ATXN2L: variants seen among roughly 807,000 people sequenced by gnomAD.
ATXN2L encodes the protein ataxin-2-like protein.
Under a neutral mutation model 120.7 loss-of-function variants are expected in ATXN2L, and 24 were observed. The ratio of observed to expected loss-of-function variants is 0.20; its 90% CI spans 0.14 to 0.28. ATXN2L has a LOEUF of 0.28. Among genes scored for constraint, ATXN2L ranks in the 10% least tolerant of loss-of-function variants. The probability of loss-of-function intolerance (pLI) is 1.00; values close to 1 mark genes in which losing one functional copy is unlikely to be tolerated. For missense variants in ATXN2L, 1,312 were observed against 1,432.3 expected (o/e 0.92, Z 1.36); for synonymous variants, 653 against 568.1 (o/e 1.15, Z -2.13).
At chr16:28,831,652 C>T (rs545744169) in intron 10 of ATXN2L, among the ~76,000 whole-genome samples, 7 of 152,160 alleles carry the variant, frequency 4.6e-5, no homozygotes, top group East Asian at 3.9e-4. Flanking sequence ...TAAAACAGGC[C>T]GAGGTAGGCA....
chr16:28,824,452 G>C, intron 1 of ATXN2L: 1 of 1,287,206 alleles, frequency 7.8e-7, no homozygotes, highest in Non-Finnish European at 1.0e-6. Context: ...CTGTCCCCCA[G>C]CCCCGCCAGC....
At chr16:28,833,823 G>T in intron 15 of ATXN2L, 1 of 628,762 alleles carries the variant, frequency 1.6e-6, no homozygotes, top group Non-Finnish European at 2.7e-6. Flanking sequence ...GAGGCCAGCT[G>T]ACTTGGCTTG....
intron 1 of ATXN2L, chr16:28,824,410 A>T (rs1364076065): frequency 1.6e-6 from 2 of 1,279,218 alleles, no homozygotes; most frequent in African/African-American, 1.5e-5. Flanking sequence ...AGACCGGGCG[A>T]GGCCTCCCGG....
chr16:28,837,028 A>C lies in ATXN2L; in HGVS notation c.*763A>C, dbSNP rs774089469. ...GTCTTGCCCTCCCATCCTCTCATCT[A>C]TTCCCCCGCTGGAGACGGAAGATCT... is the stretch of plus-strand genomic sequence containing the variant. On this transcript the variant is annotated 3_prime_UTR_variant, in exon 22 of 22. Transcript: ENST00000336783. 2.9e-5 allele frequency: 19 copies of C among 665,790 alleles called. No individual in the cohort carries two copies. The highest frequency in any genetic ancestry group is 4.4e-5 in the Non-Finnish European group (16 of 363,200). The allele number at this position is 665,790 out of a possible 1,614,324, so 41.2% of individuals were successfully genotyped here.
In ATXN2L at chr16:28,836,732, A is replaced by G. The variant is rs1186788561; in HGVS notation, c.*467A>G. ...TTCTCTTTCCCCTCCAACCAGTTCAATCTCATCCCTCCCAGCAGCTCCCCT... is the reference window on the plus strand; with the variant it reads ...TTCTCTTTCCCCTCCAACCAGTTCAGTCTCATCCCTCCCAGCAGCTCCCCT... On this transcript the variant is annotated 3_prime_UTR_variant, in exon 22 of 22. Transcript: ENST00000336783. The G allele has an allele frequency of 3.1e-6, 5 of 1,613,542 alleles. No individual in the cohort carries two copies. Among genetic ancestry groups the G allele is most frequent in the African/African-American group, 2.7e-5 (2 of 74,742 alleles).
rs775876942 is a variant in ATXN2L, at chr16:28,832,193, C to G, written c.1322-12C>G. On this transcript the variant is annotated splice_polypyrimidine_tract_variant and intron_variant, in intron 10 of 21. Transcript: ENST00000336783. ...AGCAGTAACCATCCTACAGCTCCCC[C>G]TTTTCTTCCAGTGGGCCGGATGTAT... The G allele has an allele frequency of 2.3e-5, 37 of 1,613,900 alleles. No individual in the cohort carries two copies. The highest frequency in any genetic ancestry group is 2.5e-5 in the Non-Finnish European group (30 of 1,179,938).
At position 28,834,681 on chromosome 16, in the gene ATXN2L, C is replaced by G. The variant is rs1959307873; in HGVS notation, c.2421C>G (p.His807Gln). ...CAGCCATGATGCAGCCCATGGCCCA[C>G]TACCCCTCACAGGTGACTGCGGCCC... Reference protein sequence around the residue: ...GQPAMMQPMAHYPSQPVFAPM... With the variant: ...GQPAMMQPMAQYPSQPVFAPM... Residue 807 changes from histidine (H) to glutamine (Q), a missense_variant, in exon 18 of 22, where the codon CAC (histidine) becomes CAG (glutamine). Coordinates refer to ENST00000336783, the MANE Select transcript of ATXN2L (RefSeq NM_007245.4). 6.2e-7 allele frequency: 1 copy of G among 1,612,064 alleles called. No homozygotes were observed. Among genetic ancestry groups the G allele is most frequent in the Non-Finnish European group, 8.5e-7 (1 of 1,178,776 alleles).
rs752711665 is a variant in ATXN2L, at chr16:28,833,205, C to T, written c.1806C>T (p.Ser602=). 47 of 1,614,042 alleles carry T rather than the reference C, an allele frequency of 2.9e-5. No homozygotes were observed. Among genetic ancestry groups the T allele is most frequent in the African/African-American group, 5.3e-5 (4 of 74,904 alleles). Reference sequence around the variant, plus strand: ...CTCCCGTCTCCTCCAAGACAGAGTCCGTATCGGATAAGGAGGACAAACCAC... The same window carrying T: ...CTCCCGTCTCCTCCAAGACAGAGTCTGTATCGGATAAGGAGGACAAACCAC... The part of the protein sequence containing the change: ...MGSPVSSKTE[S]VSDKEDKPPL... Residue 602 remains serine (S), a synonymous_variant, in exon 14 of 22, where the codon TCC becomes TCT. Coordinates refer to ENST00000336783, the MANE Select transcript of ATXN2L (RefSeq NM_007245.4).
Position 28,826,309 on chromosome 16 carries a change from A to G in ATXN2L, c.535A>G (p.Ile179Val). 6.2e-7 allele frequency: 1 copy of G among 1,614,206 alleles called. No homozygotes were observed. The highest frequency in any genetic ancestry group is 8.5e-7 in the Non-Finnish European group (1 of 1,180,020). The part of the protein sequence containing the change: ...EPAGGPRRED[I>V]VDTMVFKPSD... Reference sequence around the variant, plus strand: ...AGCAGGTGGCCCTCGTCGGGAGGACATTGTGGACACCATGGTGTTTAAGCC... The same window carrying G: ...AGCAGGTGGCCCTCGTCGGGAGGACGTTGTGGACACCATGGTGTTTAAGCC... The change falls in exon 5 of 22, where the codon ATT (isoleucine) becomes GTT (valine). Residue 179 changes from isoleucine (I) to valine (V), a missense_variant. By Grantham distance (29) the Ile-to-Val change is conservative (BLOSUM62 3). Transcript: ENST00000336783.
chr16:28,831,036 C>A lies in ATXN2L; in HGVS notation c.1285C>A (p.Pro429Thr). The change falls in exon 10 of 22, where the codon CCT (proline) becomes ACT (threonine). Residue 429 changes from proline (P) to threonine (T), a missense_variant. Coordinates refer to ENST00000336783, the MANE Select transcript of ATXN2L (RefSeq NM_007245.4). The part of the protein sequence containing the change: ...AKTLSSPSNR[P>T]SGETSVPPPP... ...GACTCTGTCTTCGCCCAGTAATAGGCCTTCTGGAGAAACTTCTGTTCCACC... is the reference window on the plus strand; with the variant it reads ...GACTCTGTCTTCGCCCAGTAATAGGACTTCTGGAGAAACTTCTGTTCCACC... 1 of 1,611,586 alleles carries A rather than the reference C, an allele frequency of 6.2e-7. No individual in the cohort carries two copies. The highest frequency in any genetic ancestry group is 8.5e-7 in the Non-Finnish European group (1 of 1,179,382).
chr16:28,832,339 G>A lies in ATXN2L; in HGVS notation c.1456G>A (p.Asp486Asn), dbSNP rs199772949. The A allele has an allele frequency of 6.2e-7, 1 of 1,614,192 alleles. No homozygotes were observed. Among genetic ancestry groups the A allele is most frequent in the Non-Finnish European group, 8.5e-7 (1 of 1,180,056 alleles). ...CATCCCTGTGACCTCATCAGTCTCAGATCCTGGAGTGGGCTCCATTTCTCC... is the reference window on the plus strand; with the variant it reads ...CATCCCTGTGACCTCATCAGTCTCAAATCCTGGAGTGGGCTCCATTTCTCC... ...ASIPVTSSVS[D>N]PGVGSISPAS... is the part of the protein sequence containing the mutation. The change falls in exon 11 of 22, where the codon GAT (aspartate) becomes AAT (asparagine). Residue 486 changes from aspartate to asparagine, a missense_variant. Asp to Asn is a conservative substitution (Grantham distance 23, BLOSUM62 1). Transcript: ENST00000336783.
rs1038384273 is a variant in ATXN2L, at chr16:28,823,191, A to C, written c.-69A>C. ...ATCCCCCTCGCTTCCCGCGCTCTCCAGCGGGGCCCCAGCCCCGGCCCCCTC... is the reference window on the plus strand; with the variant it reads ...ATCCCCCTCGCTTCCCGCGCTCTCCCGCGGGGCCCCAGCCCCGGCCCCCTC... On this transcript the variant is annotated 5_prime_UTR_variant, in exon 1 of 22. Transcript: ENST00000336783. 4 of 993,748 alleles carry C rather than the reference A, an allele frequency of 4.0e-6. No homozygotes were observed. Among genetic ancestry groups the C allele is most frequent in the East Asian group, 4.4e-5 (1 of 22,478 alleles). 61.6% of individuals were successfully genotyped at this position (993,748 alleles called of 1,614,324 possible).
chr16:28,826,814 G>A (rs745627755), intron 5 of ATXN2L, 48 bp from the exon 6 acceptor site: 4 of 1,491,656 alleles, frequency 2.7e-6, no homozygotes, highest in Non-Finnish European at 2.7e-6. Context: ...TTGGAAAGAA[G>A]TCTGTGAAAT....
At chr16:28,825,905 A>C in intron 4 of ATXN2L, 64 bp downstream of exon 4, 5 of 1,429,296 alleles carry the variant, frequency 3.5e-6, no homozygotes, top group Non-Finnish European at 4.9e-6. Flanking sequence ...AAATAGGCTC[A>C]TTGAAGGTGT....
intron 18 of ATXN2L, 46 bp downstream of exon 18, chr16:28,834,739 G>C (rs761669910): frequency 1.9e-6 from 3 of 1,557,326 alleles, no homozygotes; most frequent in Non-Finnish European, 2.6e-6. Flanking sequence ...GCCCCTGCTA[G>C]GGATCCCATC....
Position 28,835,692 on chromosome 16 carries a change from C to T in ATXN2L, c.2829C>T (p.Ala943=), listed in dbSNP as rs117422777. 6.4e-4 allele frequency: 1,031 copies of T among 1,614,136 alleles called. No homozygotes were observed. Among genetic ancestry groups the T allele is most frequent in the Non-Finnish European group, 8.0e-4 (942 of 1,180,014 alleles). The change falls in exon 21 of 22, where the codon GCC becomes GCT. Residue 943 remains alanine (A), a synonymous_variant. Transcript: ENST00000336783. ...QSPQSSFPQP[A]AVYAIHHQQL... is the part of the protein sequence containing the mutation. Reference sequence around the variant, plus strand: ...CTCAGAGCAGCTTCCCCCAGCCAGCCGCTGTGTATGCCATCCACCACCAGC... The same window carrying T: ...CTCAGAGCAGCTTCCCCCAGCCAGCTGCTGTGTATGCCATCCACCACCAGC...
At chr16:28,824,201 G>A (rs1208274243) in intron 1 of ATXN2L, 1 of 1,030,468 alleles carries the variant, frequency 9.7e-7, no homozygotes, top group Non-Finnish European at 1.2e-6. Flanking sequence ...CGCGCCCCGG[G>A]AACACCTAGG....
In ATXN2L at chr16:28,826,918, G is replaced by A; in HGVS notation, c.673G>A (p.Glu225Lys). The A allele has an allele frequency of 6.3e-7, 1 of 1,598,186 alleles. No homozygotes were observed. The highest frequency in any genetic ancestry group is 8.5e-7 in the Non-Finnish European group (1 of 1,170,096). ...CTCGAAAGTGAATGGGGAACACAAA[G>A]AGAAGGTGCTTCAGCGCTGGGAGGG... The part of the protein sequence containing the change: ...MNSKVNGEHK[E>K]KVLQRWEGGD... The change falls in exon 6 of 22, where the codon GAG becomes AAG. Residue 225 changes from glutamate (E) to lysine (K), a missense_variant. Transcript: ENST00000336783.
rs549825395 is a variant in ATXN2L, at chr16:28,831,778, C to T, written c.1322-427C>T. On this transcript the variant is annotated intron_variant, in intron 10 of 21. Transcript: ENST00000336783. ...GTGCACCTGTACTCCCAGCTACTTG[C>T]GAGGCTGAGGTGGGGGGAATCGCTT... 1.4e-4 allele frequency among the ~76,000 whole-genome samples: 21 copies of T among 152,118 alleles called. 1 individual carries two copies. Among genetic ancestry groups the T allele is most frequent in the African/African-American group, 4.6e-4 (19 of 41,496 alleles).
Sources: gnomAD v4.1 joint callset for allele counts (sites outside exome capture counted in the v4.1 genomes callset) on GRCh38, gnomAD v4.1.1 for gene constraint, MANE v1.5 for transcripts, NCBI Gene and HGNC (gene_info 2026-07-23, HGNC 2026-07-21) for gene names.